Variants in ANGPTL8 observed in about 807,000 individuals in gnomAD.
The protein encoded by ANGPTL8 is angiopoietin-like protein 8.
A neutral mutation model predicts 22.6 loss-of-function variants in ANGPTL8; 24 were observed. That is an observed-to-expected ratio of 1.06 (90% CI 0.77 to 1.49). The LOEUF is 1.49. ANGPTL8 is among the 40% of genes most tolerant of loss of function. The pLI is 0.00. For synonymous variants in ANGPTL8, 88 were observed against 113.4 expected (o/e 0.78, Z 1.42); for missense variants, 230 against 259.6 (o/e 0.89, Z 0.78).
rs145750006 is a variant in ANGPTL8, at chr19:11,241,647, T to G, written c.570-13T>G. 4.1e-4 allele frequency: 651 copies of G among 1,573,246 alleles called. No individual in the cohort carries two copies. The African/African-American group carries it at 7.8e-3, about 19-fold the overall frequency. ...GCCCCCTCACCTGGGCTGAGCCACATCTCCCTCCCCAGACTCCACACAGCG... is the reference window on the plus strand; with the variant it reads ...GCCCCCTCACCTGGGCTGAGCCACAGCTCCCTCCCCAGACTCCACACAGCG... On this transcript the variant is annotated splice_polypyrimidine_tract_variant and intron_variant, in intron 3 of 3. Transcript: ENST00000252453.
Position 11,240,214 on chromosome 19 carries a change from T to C in ANGPTL8, c.377T>C (p.Leu126Pro). Residue 126 changes from leucine to proline, a missense_variant, in exon 2 of 4, where the codon CTA becomes CCA. Leu to Pro is a moderately conservative substitution (Grantham distance 98). Transcript: ENST00000252453. The part of the protein sequence containing the change: ...LGEVAQAQKV[L>P]RDSVQRLEVQ... Reference sequence around the variant, plus strand: ...GAGGTGGCCCAGGCACAGAAGGTGCTACGGGACAGCGTGCAGCGGCTAGAA... The same window carrying C: ...GAGGTGGCCCAGGCACAGAAGGTGCCACGGGACAGCGTGCAGCGGCTAGAA... 6.4e-7 allele frequency: 1 copy of C among 1,565,956 alleles called. No individual in the cohort carries two copies. The highest frequency in any genetic ancestry group is 8.7e-7 in the Non-Finnish European group (1 of 1,155,360).
At position 11,240,275 on chromosome 19, in the gene ANGPTL8, C is replaced by A. The variant is rs749170186; in HGVS notation, c.438C>A (p.Tyr146Ter). ...QLRSAWLGPA[Y>*]REFEVLKAHA... ...GGAGCGCCTGGCTGGGCCCTGCCTA[C>A]CGAGAATTTGAGGTCTTAAAGGTAA... Residue 146 changes from tyrosine to a stop codon, truncating the protein, a stop_gained, in exon 2 of 4, where the codon TAC becomes TAA. Coordinates refer to ENST00000252453, the MANE Select transcript of ANGPTL8 (RefSeq NM_018687.7). LOFTEE classifies it high-confidence loss of function. The A allele has an allele frequency of 6.9e-6, 11 of 1,582,946 alleles. No individual in the cohort carries two copies. In the East Asian group the frequency reaches 2.1e-4, roughly 30 times the overall value.
rs2079946808 is a variant in ANGPTL8 at position 11,241,664 on chromosome 19, C to T, written c.574C>T (p.His192Tyr). Residue 192 changes from histidine to tyrosine, a missense_variant, in exon 4 of 4, where the codon CAC (histidine) becomes TAC (tyrosine). Coordinates refer to ENST00000252453, the MANE Select transcript of ANGPTL8 (RefSeq NM_018687.7). ...GAGCCACATCTCCCTCCCCAGACTC[C>T]ACACAGCGGCGCTCCCAGCCTGAAT... is the stretch of plus-strand genomic sequence containing the variant. ...HRLRQIQERL[H>Y]TAALPA 5.1e-6 allele frequency: 8 copies of T among 1,581,060 alleles called. No individual in the cohort carries two copies. Among genetic ancestry groups the T allele is most frequent in the Non-Finnish European group, 6.9e-6 (8 of 1,164,530 alleles).
intron 1 of ANGPTL8, 85 bp downstream of exon 1, chr19:11,240,019 C>T: frequency 6.5e-7 from 1 of 1,545,810 alleles, no homozygotes; most frequent in South Asian, 1.2e-5. Context: ...TCCTGGTTTG[C>T]CCAGGACTGA....
rs1000903662 is a variant in ANGPTL8 at position 11,241,798 on chromosome 19, C to T, written c.*111C>T. The T allele has an allele frequency of 4.6e-6, 7 of 1,509,072 alleles. No homozygotes were observed. The highest frequency in any genetic ancestry group is 3.9e-5 in the Admixed American group (2 of 50,896). The allele number at this position is 1,509,072 out of a possible 1,614,324, so 93.5% of individuals were successfully genotyped here. On this transcript the variant is annotated 3_prime_UTR_variant, in exon 4 of 4. Coordinates refer to ENST00000252453, the MANE Select transcript of ANGPTL8 (RefSeq NM_018687.7). ...TGTTCACTGGGATCAGCCAGGGCGC[C>T]GGGCCCCACTTCTGAGCACAGAGCA...
intron 2 of ANGPTL8, 25 bp downstream of exon 2, chr19:11,240,321 G>A (rs1480738391): frequency 1.3e-6 from 2 of 1,521,424 alleles, no homozygotes; most frequent in Admixed American, 2.4e-5. Flanking sequence ...CAACCCTAGT[G>A]GGCTGAGACC....
rs1436949419 is a variant in ANGPTL8, at chr19:11,241,760, G to A, written c.*73G>A. The A allele has an allele frequency of 2.1e-5, 32 of 1,548,916 alleles. No homozygotes were observed. The highest frequency in any genetic ancestry group is 2.5e-5 in the Non-Finnish European group (29 of 1,144,788). Reference sequence around the variant, plus strand: ...CCACGCCCCGTGAGGCCCCTGTGCAGGGAGGAGCTGCCTGTTCACTGGGAT... The same window carrying A: ...CCACGCCCCGTGAGGCCCCTGTGCAAGGAGGAGCTGCCTGTTCACTGGGAT... On this transcript the variant is annotated 3_prime_UTR_variant, in exon 4 of 4. Coordinates refer to ENST00000252453, the MANE Select transcript of ANGPTL8 (RefSeq NM_018687.7).
chr19:11,241,350 T>C lies in ANGPTL8; in HGVS notation c.460-95T>C. On this transcript the variant is annotated intron_variant, in intron 2 of 3. Coordinates refer to ENST00000252453, the MANE Select transcript of ANGPTL8 (RefSeq NM_018687.7). ...AGGCCAAAGAGCATTGTTGACTTGC[T>C]GGGTCACACAGATACAATGAGGGGC... 5.3e-6 allele frequency: 4 copies of C among 759,334 alleles called. No homozygotes were observed. In the South Asian group the frequency reaches 6.5e-5, roughly 12 times the overall value. 47.0% of individuals were successfully genotyped at this position (759,334 alleles called of 1,614,324 possible).
chr19:11,240,420 G>A (rs2079924728), intron 2 of ANGPTL8, 124 bp downstream of exon 2: 1 of 1,005,558 alleles, frequency 9.9e-7, no homozygotes, highest in East Asian at 2.7e-5. Context: ...TACCCTGCAT[G>A]TCCCCAGACA....
In ANGPTL8 at chr19:11,241,650, C is replaced by G; in HGVS notation, c.570-10C>G. ...CCCTCACCTGGGCTGAGCCACATCT[C>G]CCTCCCCAGACTCCACACAGCGGCG... On this transcript the variant is annotated splice_polypyrimidine_tract_variant and intron_variant, in intron 3 of 3. Transcript: ENST00000252453. The G allele has an allele frequency of 6.4e-7, 1 of 1,574,712 alleles. No individual in the cohort carries two copies.
chr19:11,241,128 C>A (rs1000036199), intron 2 of ANGPTL8, among the ~76,000 whole-genome samples: 1 of 151,918 alleles, frequency 6.6e-6, no homozygotes, highest in Non-Finnish European at 1.5e-5. Context: ...TGCCTGTAGT[C>A]CCAGCTACTC....
chr19:11,239,706 C>T lies in ANGPTL8; in HGVS notation c.69C>T (p.Pro23=). Residue 23 remains proline, a synonymous_variant, in exon 1 of 4, where the codon CCC becomes CCT. Coordinates refer to ENST00000252453, the MANE Select transcript of ANGPTL8 (RefSeq NM_018687.7). ...TGACCCGGCCTGCCTCAGCGGCCCC[C>T]ATGGGCGGCCCAGAACTGGCACAGC... ...AMVTRPASAA[P]MGGPELAQHE... The T allele has an allele frequency of 6.2e-7, 1 of 1,613,674 alleles. No individual in the cohort carries two copies. The highest frequency in any genetic ancestry group is 8.5e-7 in the Non-Finnish European group (1 of 1,179,844).
At position 11,241,891 on chromosome 19, in the gene ANGPTL8, T is replaced by G. The variant is rs2079952396; in HGVS notation, c.*204T>G. 2.4e-6 allele frequency: 3 copies of G among 1,256,566 alleles called. No individual in the cohort carries two copies. Among genetic ancestry groups the G allele is most frequent in the Non-Finnish European group, 2.2e-6 (2 of 900,428 alleles). The allele number at this position is 1,256,566 out of a possible 1,614,324, so 77.8% of individuals were successfully genotyped here. A position where few individuals can be genotyped will look rare whatever the true frequency, so the allele number is the denominator to read the frequency against. ...ATTGGGGAGGGGTGGAGGAAGGACA[T>G]GTACCCTTTCATGCCTACACACCCC... On this transcript the variant is annotated 3_prime_UTR_variant, in exon 4 of 4. Transcript: ENST00000252453.
intron 2 of ANGPTL8, 100 bp from the exon 3 acceptor site, chr19:11,241,344 AC>A: frequency 1.4e-6 from 1 of 726,544 alleles, no homozygotes; most frequent in Non-Finnish European, 2.4e-6. Context: ...AGCATTGTTG[AC>A]TTGCTGGGTC....
Position 11,240,297 on chromosome 19 carries a change from G to T in ANGPTL8, c.459+1G>T, listed in dbSNP as rs774984872. On this transcript the variant is annotated splice_donor_variant, in intron 2 of 3. Coordinates refer to ENST00000252453, the MANE Select transcript of ANGPTL8 (RefSeq NM_018687.7). LOFTEE classifies it high-confidence loss of function. ...CTACCGAGAATTTGAGGTCTTAAAG[G>T]TAAGGAGCTCCCCCAACCCTAGTGG... is the stretch of plus-strand genomic sequence containing the variant. 16 of 1,567,962 alleles carry T rather than the reference G, an allele frequency of 1.0e-5. No homozygotes were observed. Among genetic ancestry groups the T allele is most frequent in the Middle Eastern group, 2.1e-4 (1 of 4,778 alleles).
intron 1 of ANGPTL8, 84 bp downstream of exon 1, chr19:11,240,018 G>T (rs1385079771): frequency 1.9e-6 from 3 of 1,545,940 alleles, no homozygotes; most frequent in African/African-American, 1.4e-5. Flanking sequence ...ATCCTGGTTT[G>T]CCCAGGACTG....
rs368517375 is a variant in ANGPTL8, at chr19:11,241,693, C to A, written c.*6C>A. Reference sequence around the variant, plus strand: ...CAGCGGCGCTCCCAGCCTGAATCTGCCTGGATGGAACTGAGGACCAATCAT... The same window carrying A: ...CAGCGGCGCTCCCAGCCTGAATCTGACTGGATGGAACTGAGGACCAATCAT... On this transcript the variant is annotated 3_prime_UTR_variant, in exon 4 of 4. Transcript: ENST00000252453. 2 of 1,582,290 alleles carry A rather than the reference C, an allele frequency of 1.3e-6. No homozygotes were observed. The highest frequency in any genetic ancestry group is 2.7e-5 in the African/African-American group (2 of 74,084).
Position 11,239,862 on chromosome 19 carries a change from ACTC to A in ANGPTL8, c.228_230del (p.Leu77del). Reference sequence around the variant, plus strand: ...TGGGTCTCTATGGCCGCACAATAGAACTCCTGGGGCAGGAGGTCAGCCGGGGCC... The same window carrying A: ...TGGGTCTCTATGGCCGCACAATAGAACTGGGGCAGGAGGTCAGCCGGGGCC... On this transcript the variant is annotated inframe_deletion, in exon 1 of 4. Coordinates refer to ENST00000252453, the MANE Select transcript of ANGPTL8 (RefSeq NM_018687.7). 6.3e-7 allele frequency: 1 copy of A among 1,598,014 alleles called. No individual in the cohort carries two copies. The highest frequency in any genetic ancestry group is 8.5e-7 in the Non-Finnish European group (1 of 1,172,812).
In ANGPTL8 at chr19:11,241,782, G is replaced by T. The variant is rs1278222988; in HGVS notation, c.*95G>T. Reference sequence around the variant, plus strand: ...GCAGGGAGGAGCTGCCTGTTCACTGGGATCAGCCAGGGCGCCGGGCCCCAC... The same window carrying T: ...GCAGGGAGGAGCTGCCTGTTCACTGTGATCAGCCAGGGCGCCGGGCCCCAC... On this transcript the variant is annotated 3_prime_UTR_variant, in exon 4 of 4. Coordinates refer to ENST00000252453, the MANE Select transcript of ANGPTL8 (RefSeq NM_018687.7). 1.3e-6 allele frequency: 2 copies of T among 1,534,686 alleles called. No homozygotes were observed. Among genetic ancestry groups the T allele is most frequent in the Non-Finnish European group, 1.8e-6 (2 of 1,133,132 alleles).
Sources: allele counts gnomAD v4.1 joint callset (sites outside exome capture counted in the v4.1 genomes callset), GRCh38; gene constraint gnomAD v4.1.1; transcripts MANE v1.5; gene names NCBI Gene and HGNC (gene_info 2026-07-23, HGNC 2026-07-21).